EYS: variants seen among roughly 807,000 people sequenced by gnomAD.
EYS encodes EGF-like photoreceptor maintenance factor.
A neutral mutation model predicts 282.1 loss-of-function variants in EYS; 250 were observed. The ratio of observed to expected loss-of-function variants is 0.89; its 90% CI spans 0.80 to 0.98. The LOEUF (loss-of-function observed/expected upper bound fraction) is 0.98, where lower values mean the gene tolerates loss of function less well. EYS is among the 50% of genes least tolerant of loss of function. The probability of loss-of-function intolerance (pLI) is 0.00; values close to 1 mark genes in which losing one functional copy is unlikely to be tolerated. For missense variants in EYS, 4,016 were observed against 3,709.0 expected (o/e 1.08, Z -2.15); for synonymous variants, 1,355 against 1,282.9 (o/e 1.06, Z -1.20).
intron 31 of EYS, among the ~76,000 whole-genome samples, chr6:64,114,466 G>T (rs982663632): frequency 5.3e-5 from 8 of 152,222 alleles, no homozygotes; most frequent in African/African-American, 1.9e-4. Context: ...GCCCTAGGAA[G>T]AGCTCAGGAG....
rs1199914487 is a variant in EYS, at chr6:63,925,898, C to G, written c.7055+58485G>C. Among the ~76,000 whole-genome samples the G allele has an allele frequency of 2.6e-5, 4 of 152,322 alleles. No individual in the cohort carries two copies. The East Asian group carries it at 7.7e-4, about 29-fold the overall frequency. ...TGACCTCGTGATCCGCCCACCTCGG[C>G]CTCCCAAAGTGCTGAGGTTACAGAC... On this transcript the variant is annotated intron_variant, in intron 35 of 42. Transcript: ENST00000503581.
intron 35 of EYS, among the ~76,000 whole-genome samples, chr6:63,911,240 T>C (rs920756911): frequency 2.0e-5 from 3 of 152,170 alleles, no homozygotes; most frequent in African/African-American, 7.2e-5. Context: ...AAATCTGAGG[T>C]CAACTTCCTG....
intron 35 of EYS, among the ~76,000 whole-genome samples, chr6:63,963,509 A>C (rs1372001840): frequency 6.6e-6 from 1 of 152,218 alleles, no homozygotes; most frequent in African/African-American, 2.4e-5. Context: ...TCAAGAAAGA[A>C]TAACACGAAA....
chr6:65,653,688 A>T (rs1767728713), intron 1 of EYS, among the ~76,000 whole-genome samples: 1 of 151,906 alleles, frequency 6.6e-6, no homozygotes, highest in African/African-American at 2.4e-5. Context: ...ATCTGTTTAT[A>T]TTCAGCACTG....
chr6:64,828,645 CCATGTGGA>C (rs1765129888), intron 19 of EYS, among the ~76,000 whole-genome samples: 1 of 151,930 alleles, frequency 6.6e-6, no homozygotes, highest in Non-Finnish European at 1.5e-5. Context: ...CATCAAGTAT[CCATGTGGA>C]CAGAACTGCC....
chr6:65,622,921 C>T (rs771238772), intron 2 of EYS, among the ~76,000 whole-genome samples: 4 of 151,978 alleles, frequency 2.6e-5, no homozygotes, highest in Non-Finnish European at 5.9e-5. Context: ...CACCACCCGA[C>T]TAATTTTCAA....
chr6:64,098,145 C>T (rs1772697233), intron 31 of EYS, among the ~76,000 whole-genome samples: 1 of 152,140 alleles, frequency 6.6e-6, no homozygotes. Context: ...AAGTATGTAA[C>T]ACTATCAATC....
At chr6:65,264,884 G>T (rs1338955701) in intron 12 of EYS, among the ~76,000 whole-genome samples, 1 of 151,414 alleles carries the variant, frequency 6.6e-6, no homozygotes, top group Non-Finnish European at 1.5e-5. Context: ...TATCTGTGTA[G>T]ATATATCTTA....
chr6:64,230,823 A>T lies in EYS; in HGVS notation c.6193T>A (p.Ser2065Thr), dbSNP rs554880972. The T allele has an allele frequency of 2.6e-6, 4 of 1,527,012 alleles. No homozygotes were observed. Among genetic ancestry groups the T allele is most frequent in the Non-Finnish European group, 2.7e-6 (3 of 1,126,740 alleles). 94.6% of individuals were successfully genotyped at this position (1,527,012 alleles called of 1,614,324 possible). A position where few individuals can be genotyped will look rare whatever the true frequency, so the allele number is the denominator to read the frequency against. ...VKNYHINNCR[S>T]QGFMLSPTAS... The stretch of plus-strand genomic sequence containing the variant: ...GTTGGAGACAGCATAAATCCCTGGG[A>T]TCTGTGATTTATAAACAGACAAGAA... Residue 2065 changes from serine (S) to threonine (T), a missense_variant and splice_region_variant, in exon 31 of 43, where the codon TCC (serine) becomes ACC (threonine). Ser to Thr is a moderately conservative substitution (Grantham distance 58). Transcript: ENST00000503581.
intron 1 of EYS, among the ~76,000 whole-genome samples, chr6:65,706,402 C>A (rs1213378933): frequency 6.6e-6 from 1 of 151,838 alleles, no homozygotes; most frequent in Non-Finnish European, 1.5e-5. Flanking sequence ...AAGAATTAAA[C>A]AGAACTAATA....
chr6:64,169,431 G>GTTT (rs35657029), intron 31 of EYS, among the ~76,000 whole-genome samples: 1 of 140,962 alleles, frequency 7.1e-6, no homozygotes, highest in African/African-American at 2.8e-5. Flanking sequence ...TTGAGGAGGA[G>GTTT]TTTTTTTTTT....
At chr6:63,792,624 T>C (rs955325918) in intron 37 of EYS, among the ~76,000 whole-genome samples, 4 of 151,934 alleles carry the variant, frequency 2.6e-5, no homozygotes, top group Admixed American at 6.5e-5. Flanking sequence ...AAAATACACT[T>C]TCTAGAACCT....
chr6:64,457,774 T>A (rs759856641), intron 26 of EYS, among the ~76,000 whole-genome samples: 11 of 126,376 alleles, frequency 8.7e-5, no homozygotes, highest in Non-Finnish European at 1.3e-4. Flanking sequence ...GTAGGCAGCA[T>A]GTAGTTGGGT....
chr6:65,039,791 T>A lies in EYS; in HGVS notation c.2137+17823A>T, dbSNP rs570476199. ...TGGAGGAAGACTTTTGGTATCTTAG[T>A]AAAAAAGGGTGTATTTTGCATGTAA... On this transcript the variant is annotated intron_variant, in intron 13 of 42. Transcript: ENST00000503581. 3.3e-5 allele frequency among the ~76,000 whole-genome samples: 5 copies of A among 151,720 alleles called. No individual in the cohort carries two copies. The South Asian group carries it at 1.0e-3, about 31-fold the overall frequency.
intron 42 of EYS, among the ~76,000 whole-genome samples, chr6:63,724,150 CAAGAA>C (rs1481660561): frequency 6.6e-6 from 1 of 152,128 alleles, no homozygotes; most frequent in Admixed American, 6.6e-5. Flanking sequence ...ACAGTCCTTA[CAAGAA>C]ACAGAGCTCA....
intron 13 of EYS, among the ~76,000 whole-genome samples, chr6:65,025,779 A>G (rs1382896665): frequency 6.6e-6 from 1 of 152,136 alleles, no homozygotes; most frequent in African/African-American, 2.4e-5. Context: ...AATTTTAGGT[A>G]ACAGAACAGA....
At chr6:65,118,031 A>G (rs976096163) in intron 12 of EYS, among the ~76,000 whole-genome samples, 1 of 152,200 alleles carries the variant, frequency 6.6e-6, no homozygotes, top group African/African-American at 2.4e-5. Flanking sequence ...AGTACGAGGA[A>G]GAATGGGGAA....
At chr6:65,504,262 G>C (rs1766568902) in intron 2 of EYS, among the ~76,000 whole-genome samples, 1 of 151,546 alleles carries the variant, frequency 6.6e-6, no homozygotes, top group South Asian at 2.1e-4. Flanking sequence ...GCTGTTACAG[G>C]GGAAAGCAGT....
chr6:65,495,158 C>G lies in EYS; in HGVS notation c.253G>C (p.Gly85Arg), dbSNP rs1582376797. 1 of 1,613,958 alleles carries G rather than the reference C, an allele frequency of 6.2e-7. No homozygotes were observed. The highest frequency in any genetic ancestry group is 8.5e-7 in the Non-Finnish European group (1 of 1,179,910). Reference protein sequence around the residue: ...PQICPLQIQLGDILVISSEPS... With the variant: ...PQICPLQIQLRDILVISSEPS... ...TCAGAAGAAATTACAAGGATATCTC[C>G]TAATTGAATTTGCAAAGGGCAAATC... The change falls in exon 4 of 43, where the codon GGA (glycine) becomes CGA (arginine). Residue 85 changes from glycine (G) to arginine (R), a missense_variant. Transcript: ENST00000503581.
Sources: gnomAD v4.1 joint callset for allele counts (sites outside exome capture counted in the v4.1 genomes callset) on GRCh38, gnomAD v4.1.1 for gene constraint, MANE v1.5 for transcripts, NCBI Gene and HGNC (gene_info 2026-07-23, HGNC 2026-07-21) for gene names.